PTPRJ: variants seen among roughly 807,000 people sequenced by gnomAD.
The protein encoded by PTPRJ is receptor-type tyrosine-protein phosphatase eta.
Under a neutral mutation model 141.3 loss-of-function variants are expected in PTPRJ, and 129 were observed. That is an observed-to-expected ratio of 0.91 (90% CI 0.79 to 1.06). The LOEUF is 1.06. Ranked by LOEUF, PTPRJ falls within the 50% of genes least tolerant of loss-of-function variation. PTPRJ has a pLI of 0.00. For missense variants in PTPRJ, 1,601 were observed against 1,679.7 expected (o/e 0.95, Z 0.82); for synonymous variants, 610 against 640.5 (o/e 0.95, Z 0.72).
intron 6 of PTPRJ, among the ~76,000 whole-genome samples, chr11:48,126,202 G>A (rs984684398): frequency 6.6e-6 from 1 of 152,130 alleles, no homozygotes; most frequent in Non-Finnish European, 1.5e-5. Context: ...TGACTGATTT[G>A]CTAAAAGGAC....
chr11:48,162,789 A>G lies in PTPRJ; in HGVS notation c.3559-669A>G, dbSNP rs201635800. Among the ~76,000 whole-genome samples, 11 of 152,236 alleles carry G rather than the reference A, an allele frequency of 7.2e-5. No individual in the cohort carries two copies. In the East Asian group the frequency reaches 1.5e-3, roughly 21 times the overall value. Reference sequence around the variant, plus strand: ...GGGTGGGCTTCTGGTGCTTCAAGGTATATGCTTTGGTATGAGGTAGGGAAC... The same window carrying G: ...GGGTGGGCTTCTGGTGCTTCAAGGTGTATGCTTTGGTATGAGGTAGGGAAC... On this transcript the variant is annotated intron_variant, in intron 22 of 24. Transcript: ENST00000418331.
chr11:48,121,896 G>A (rs1856717021), intron 4 of PTPRJ, among the ~76,000 whole-genome samples: 1 of 152,072 alleles, frequency 6.6e-6, no homozygotes, highest in Non-Finnish European at 1.5e-5. Flanking sequence ...GAGGTCCTCT[G>A]TTAGTTTTCT....
chr11:48,023,843 C>T (rs1264600090), intron 1 of PTPRJ, among the ~76,000 whole-genome samples: 3 of 151,706 alleles, frequency 2.0e-5, no homozygotes, highest in Admixed American at 6.6e-5. Context: ...TTTAATATCT[C>T]TTATCATTTC....
chr11:48,093,587 C>A (rs1435449663), intron 1 of PTPRJ, among the ~76,000 whole-genome samples: 3 of 151,824 alleles, frequency 2.0e-5, no homozygotes, highest in African/African-American at 7.3e-5. Context: ...TAAATGAAAC[C>A]CGGAAATGAA....
chr11:48,057,924 T>C (rs1221968826), intron 1 of PTPRJ, among the ~76,000 whole-genome samples: 1 of 151,652 alleles, frequency 6.6e-6, no homozygotes, highest in Admixed American at 6.6e-5. Flanking sequence ...TTTTTTTTTT[T>C]CTTTTGAGAC....
At chr11:48,010,693 G>GC (rs1206514824) in intron 1 of PTPRJ, among the ~76,000 whole-genome samples, 1 of 150,090 alleles carries the variant, frequency 6.7e-6, no homozygotes, top group East Asian at 2.0e-4. Flanking sequence ...ATGCCACCAC[G>GC]CCCAGGTAAT....
Position 48,130,552 on chromosome 11 carries a change from T to G in PTPRJ, c.1451T>G (p.Met484Arg), listed in dbSNP as rs780243965. Residue 484 changes from methionine (M) to arginine (R), a missense_variant, in exon 8 of 25, where the codon ATG becomes AGG. Transcript: ENST00000418331. The part of the protein sequence containing the change: ...WSSHDAESFQ[M>R]HITQEGAGNS... Reference sequence around the variant, plus strand: ...AGCCATGATGCAGAATCATTTCAGATGCATATCACACAGGAGGGAGCTGGC... The same window carrying G: ...AGCCATGATGCAGAATCATTTCAGAGGCATATCACACAGGAGGGAGCTGGC... The G allele has an allele frequency of 6.2e-7, 1 of 1,614,148 alleles. No homozygotes were observed.
chr11:48,027,030 C>T (rs1208622912), intron 1 of PTPRJ, among the ~76,000 whole-genome samples: 17 of 104,876 alleles, frequency 1.6e-4, no homozygotes, highest in Admixed American at 5.5e-4. Context: ...TTTGAGACGG[C>T]GTCTCGCTTT....
In PTPRJ at chr11:48,039,464, GGTGTGTGTGTGT is replaced by G. The variant is rs67338648; in HGVS notation, c.96+58483_96+58494del. On this transcript the variant is annotated intron_variant, in intron 1 of 24. Coordinates refer to ENST00000418331, the MANE Select transcript of PTPRJ (RefSeq NM_002843.4). ...ATAACTTTGCCAAATACAACACTAT[GGTGTGTGTGTGT>G]GTGTGTGTGTGTGTGTGTGTGTGTG... Among the ~76,000 whole-genome samples the G allele has an allele frequency of 9.1e-4, 133 of 146,528 alleles. 1 individual carries two copies. The highest frequency in any genetic ancestry group is 7.3e-3 in the South Asian group (33 of 4,510).
intron 1 of PTPRJ, among the ~76,000 whole-genome samples, chr11:48,067,573 G>T (rs1227395267): frequency 6.6e-6 from 1 of 152,132 alleles, no homozygotes; most frequent in Non-Finnish European, 1.5e-5. Flanking sequence ...TTTCCCCCTG[G>T]ATTTGACAGG....
chr11:48,050,280 C>T (rs1207285228), intron 1 of PTPRJ, among the ~76,000 whole-genome samples: 1 of 152,100 alleles, frequency 6.6e-6, no homozygotes, highest in Non-Finnish European at 1.5e-5. Flanking sequence ...GTTCTAGGTT[C>T]ACAGCAAAAT....
chr11:48,055,863 T>C (rs771036390), intron 1 of PTPRJ, among the ~76,000 whole-genome samples: 2 of 152,222 alleles, frequency 1.3e-5, no homozygotes, highest in African/African-American at 4.8e-5. Context: ...GAAAACGCGA[T>C]GCATTTCAAC....
chr11:48,036,605 C>T (rs1023048300), intron 1 of PTPRJ, among the ~76,000 whole-genome samples: 3 of 152,192 alleles, frequency 2.0e-5, no homozygotes, highest in Middle Eastern at 6.8e-3. Context: ...ATGTTTAGGT[C>T]GAATCCTGGT....
Position 48,121,169 on chromosome 11 carries a change from CACAGGCTT to C in PTPRJ, c.522_529del (p.Gly175SerfsTer16). The C allele has an allele frequency of 6.2e-7, 1 of 1,614,090 alleles. No homozygotes were observed. The highest frequency in any genetic ancestry group is 1.1e-5 in the South Asian group (1 of 91,084). On this transcript the variant is annotated frameshift_variant, in exon 4 of 25. Coordinates refer to ENST00000418331, the MANE Select transcript of PTPRJ (RefSeq NM_002843.4). LOFTEE classifies it high-confidence loss of function. ...TTGTGCATCAACCATGGTGTAACATCACAGGCTTACGTCCAGCGACTTCATATGTATTC... is the reference window on the plus strand; with the variant it reads ...TTGTGCATCAACCATGGTGTAACATCACGTCCAGCGACTTCATATGTATTC...
intron 1 of PTPRJ, among the ~76,000 whole-genome samples, chr11:48,007,202 G>A (rs1213567036): frequency 1.3e-5 from 2 of 151,632 alleles, no homozygotes; most frequent in Non-Finnish European, 2.9e-5. Context: ...CCGGGTTCAC[G>A]CCATTCTCCT....
rs142872801 is a variant in PTPRJ, at chr11:48,081,462, C to T, written c.97-28596C>T. 3.0e-3 allele frequency among the ~76,000 whole-genome samples: 459 copies of T among 152,248 alleles called. 2 individuals carry two copies. The highest frequency in any genetic ancestry group is 0.011 in the African/African-American group (444 of 41,544). ...AGCTCCATGTGGGGCTTGGGCTTGG[C>T]GGACGACTTGGGGCTGGCCGGACTT... On this transcript the variant is annotated intron_variant, in intron 1 of 24. Transcript: ENST00000418331.
At chr11:47,984,392 A>G (rs1398582314) in intron 1 of PTPRJ, among the ~76,000 whole-genome samples, 2 of 152,194 alleles carry the variant, frequency 1.3e-5, no homozygotes, top group African/African-American at 4.8e-5. Context: ...TGAGTGCAGG[A>G]TAAGAGGCAA....
intron 1 of PTPRJ, among the ~76,000 whole-genome samples, chr11:48,063,931 T>C (rs1855007295): frequency 6.6e-6 from 1 of 151,694 alleles, no homozygotes; most frequent in South Asian, 2.1e-4. Context: ...TGTGTGTGTG[T>C]GTGTGTGTGT....
intron 21 of PTPRJ, among the ~76,000 whole-genome samples, chr11:48,156,983 C>T (rs1857625418): frequency 6.6e-6 from 1 of 151,878 alleles, no homozygotes; most frequent in African/African-American, 2.4e-5. Flanking sequence ...TCTTCTGCTT[C>T]CATCAAAGAT....
Sources: gnomAD v4.1 joint callset for allele counts (sites outside exome capture counted in the v4.1 genomes callset) on GRCh38, gnomAD v4.1.1 for gene constraint, MANE v1.5 for transcripts, NCBI Gene and HGNC (gene_info 2026-07-23, HGNC 2026-07-21) for gene names.